The following C1QTNF8 variants were observed in gnomAD, a reference collection of about 807,000 sequenced individuals.
C1QTNF8 encodes the protein C1q and TNF related 8.
C1QTNF8 carries 27 observed loss-of-function variants against 19.2 expected under a neutral mutation model. The observed-to-expected ratio is 1.41, with a 90% CI of 1.04 to 1.94. The LOEUF is 1.94. C1QTNF8 is among the 30% of genes most tolerant of loss of function. The pLI, the probability that C1QTNF8 is intolerant of heterozygous loss-of-function variation, is 0.00. For missense variants in C1QTNF8, 484 were observed against 374.4 expected, an observed-to-expected ratio of 1.29 and a Z score of -2.42; for synonymous variants, 208 against 172.8, an observed-to-expected ratio of 1.20 and a Z score of -1.60.
intron 2 of C1QTNF8, among the ~76,000 whole-genome samples, chr16:1,095,401 C>G (rs1177600972): frequency 6.6e-6 from 1 of 152,300 alleles, no homozygotes; most frequent in South Asian, 2.1e-4. Flanking sequence ...CTCAGCCAGG[C>G]CCAGAGAGCC....
In C1QTNF8 at chr16:1,093,650, C is replaced by T; in HGVS notation, c.610G>A (p.Ala204Thr). 1.2e-6 allele frequency: 2 copies of T among 1,608,094 alleles called. No individual in the cohort carries two copies. The highest frequency in any genetic ancestry group is 1.7e-6 in the Non-Finnish European group (2 of 1,176,910). The part of the protein sequence containing the change: ...AQPSERSVMQ[A>T]QSLMLLLAAG... The stretch of plus-strand genomic sequence containing the variant: ...GCCAGCAGCAGCATCAGGCTCTGGG[C>T]CTGCATGACGCTGCGCTCGCTGGGC... The change falls in exon 4 of 5, where the codon GCC (alanine) becomes ACC (threonine). Residue 204 changes from alanine (A) to threonine (T), a missense_variant. By Grantham distance (58) the Ala-to-Thr change is moderately conservative. Transcript: ENST00000328449.
At chr16:1,091,424 G>A (rs1189261470) in intron 4 of C1QTNF8, among the ~76,000 whole-genome samples, 1 of 152,152 alleles carries the variant, frequency 6.6e-6, no homozygotes, top group African/African-American at 2.4e-5. Flanking sequence ...GGGAAGAGGG[G>A]GAGGGAGGCC....
In C1QTNF8 at chr16:1,093,443, GAC is replaced by G. The variant is rs35563239; in HGVS notation, c.*4+52_*4+53del. On this transcript the variant is annotated intron_variant, in intron 4 of 4. Transcript: ENST00000328449. Reference sequence around the variant, plus strand: ...ACCCACCCCCACACACACACACACAGACACACACACACACGCGCGCGCGCGCC... The same window carrying G: ...ACCCACCCCCACACACACACACACAGACACACACACACGCGCGCGCGCGCC... 5,692 of 931,846 alleles carry G rather than the reference GAC, an allele frequency of 6.1e-3. 227 individuals are homozygous for G. In the African/African-American group the frequency reaches 0.078, roughly 13 times the overall value. 57.7% of individuals were successfully genotyped at this position (931,846 alleles called of 1,614,324 possible).
At chr16:1,093,154 G>A (rs1489028932) in intron 4 of C1QTNF8, among the ~76,000 whole-genome samples, 4 of 146,356 alleles carry the variant, frequency 2.7e-5, no homozygotes, top group Non-Finnish European at 6.0e-5. Flanking sequence ...ACAGCACACA[G>A]TCGGCGCTCA....
chr16:1,093,429 CACACACACACACAG>C (rs1960603011), intron 4 of C1QTNF8, 54 bp downstream of exon 4: 4 of 1,129,044 alleles, frequency 3.5e-6, no homozygotes, highest in Non-Finnish European at 3.5e-6. Context: ...CCCACCCCCA[CACACACACACACAG>C]ACACACACAC....
chr16:1,094,779 C>G lies in C1QTNF8; in HGVS notation c.144G>C (p.Trp48Cys). ...GCAGCCCCCTCCACAGGTCCCCCCT[C>G]CACAGGTCCCTGTCACTCACCCGGG... is the stretch of plus-strand genomic sequence containing the variant. ...PYARVSDRDLWRGDLWRGLPR... is the reference protein window; with the variant it reads ...PYARVSDRDLCRGDLWRGLPR... Residue 48 changes from tryptophan (W) to cysteine (C), a missense_variant, in exon 3 of 5, where the codon TGG (tryptophan) becomes TGC (cysteine). Coordinates refer to ENST00000328449, the MANE Select transcript of C1QTNF8 (RefSeq NM_207419.3). 6.5e-7 allele frequency: 1 copy of G among 1,543,112 alleles called. No homozygotes were observed. Among genetic ancestry groups the G allele is most frequent in the South Asian group, 1.2e-5 (1 of 81,230 alleles).
intron 4 of C1QTNF8, 34 bp downstream of exon 4, chr16:1,093,463 C>T: frequency 1.4e-6 from 2 of 1,451,664 alleles, no homozygotes; most frequent in Non-Finnish European, 1.8e-6. Context: ...CACACGCGCG[C>T]GCGCGCCCGG....
At chr16:1,095,155 G>A (rs547333738) in intron 2 of C1QTNF8, among the ~76,000 whole-genome samples, 99 of 152,342 alleles carry the variant, frequency 6.5e-4, no homozygotes, top group African/African-American at 2.3e-3. Context: ...ACCTGGAGTC[G>A]GGGAGTCCTG....
rs1376245948 is a variant in C1QTNF8, at chr16:1,090,341, T to G, written c.*258A>C. On this transcript the variant is annotated 3_prime_UTR_variant, in exon 5 of 5. Coordinates refer to ENST00000328449, the MANE Select transcript of C1QTNF8 (RefSeq NM_207419.3). ...AGCCCCTCTCCCTGCAGAGGGGCCA[T>G]GTGTGCACAGCAAATGGCGGGCCCC... is the stretch of plus-strand genomic sequence containing the variant. 1 of 152,334 alleles carries G rather than the reference T, an allele frequency of 6.6e-6. No homozygotes were observed. Among genetic ancestry groups the G allele is most frequent in the Non-Finnish European group, 1.5e-5 (1 of 68,168 alleles). The allele number at this position is 152,334 out of a possible 1,614,324, so 9.4% of individuals were successfully genotyped here.
chr16:1,093,297 G>A (rs944043875), intron 4 of C1QTNF8, among the ~76,000 whole-genome samples, 200 bp downstream of exon 4: 6 of 138,254 alleles, frequency 4.3e-5, no homozygotes, highest in African/African-American at 1.5e-4. Flanking sequence ...GCACACAGTC[G>A]GCGCTCAACC....
intron 4 of C1QTNF8, among the ~76,000 whole-genome samples, chr16:1,092,087 C>T (rs1363422240): frequency 6.6e-6 from 1 of 152,240 alleles, no homozygotes; most frequent in Non-Finnish European, 1.5e-5. Context: ...TGAGGAGGCA[C>T]CCAGCTCGCT....
Position 1,094,895 on chromosome 16 carries a change from C to A in C1QTNF8, c.28G>T (p.Ala10Ser), listed in dbSNP as rs1960652788. Reference sequence around the variant, plus strand: ...CAGGCCCCCACGGGCAGCAGCAGTGCTAGGAGCAGCAGGGCGGGGGCTGCC... The same window carrying A: ...CAGGCCCCCACGGGCAGCAGCAGTGATAGGAGCAGCAGGGCGGGGGCTGCC... MAAPALLLL[A>S]LLLPVGAWPG... is the part of the protein sequence containing the mutation. Residue 10 changes from alanine to serine, a missense_variant, in exon 3 of 5, where the codon GCA becomes TCA. By Grantham distance (99) the Ala-to-Ser change is moderately conservative. Coordinates refer to ENST00000328449, the MANE Select transcript of C1QTNF8 (RefSeq NM_207419.3). 1.5e-6 allele frequency: 2 copies of A among 1,367,616 alleles called. No individual in the cohort carries two copies. The highest frequency in any genetic ancestry group is 3.0e-5 in the African/African-American group (2 of 66,376). The allele number at this position is 1,367,616 out of a possible 1,614,324, so 84.7% of individuals were successfully genotyped here.
chr16:1,093,728 TCTC>T lies in C1QTNF8; in HGVS notation c.529_531del (p.Glu177del), dbSNP rs936217594. The T allele has an allele frequency of 1.2e-6, 2 of 1,611,910 alleles. No individual in the cohort carries two copies. The highest frequency in any genetic ancestry group is 1.3e-5 in the African/African-American group (1 of 74,868). ...CGGTTCAGCATGATGTGCAGGTAGGTCTCCTTGTAGTTCCAGGTGTGCACGTTG... is the reference window on the plus strand; with the variant it reads ...CGGTTCAGCATGATGTGCAGGTAGGTCTTGTAGTTCCAGGTGTGCACGTTG... On this transcript the variant is annotated inframe_deletion, in exon 4 of 5. Transcript: ENST00000328449.
chr16:1,092,707 TCGGCGCTCAACCAATCACA>T (rs1276462603), intron 4 of C1QTNF8, among the ~76,000 whole-genome samples: 26 of 85,732 alleles, frequency 3.0e-4, no homozygotes, highest in African/African-American at 4.6e-4. Context: ...CTGCACACAG[TCGGCGCTCAACCAATCACA>T]GCACACAGTC....
At chr16:1,092,551 CAAT>C (rs1960572315) in intron 4 of C1QTNF8, among the ~76,000 whole-genome samples, 1 of 127,070 alleles carries the variant, frequency 7.9e-6, no homozygotes, top group Non-Finnish European at 1.7e-5. Context: ...GGCGCTCAAT[CAAT>C]CCCTGCACAC....
chr16:1,093,784 G>C lies in C1QTNF8; in HGVS notation c.476C>G (p.Thr159Arg), dbSNP rs200671491. 6.2e-7 allele frequency: 1 copy of C among 1,612,026 alleles called. No individual in the cohort carries two copies. The highest frequency in any genetic ancestry group is 1.7e-5 in the Admixed American group (1 of 60,010). The change falls in exon 4 of 5, where the codon ACG becomes AGG. Residue 159 changes from threonine (T) to arginine (R), a missense_variant. By Grantham distance (71) the Thr-to-Arg change is moderately conservative. Coordinates refer to ENST00000328449, the MANE Select transcript of C1QTNF8 (RefSeq NM_207419.3). ...GCTGAGGAAGTAGACGCCGGGCACC[G>C]TGCAGAGGAAGCGGCCCGCGGCCAG... ...FDLAAGRFLCTVPGVYFLSLN... is the reference protein window; with the variant it reads ...FDLAAGRFLCRVPGVYFLSLN...
rs1232330305 is a variant in C1QTNF8, at chr16:1,088,344, C to T, written c.*2255G>A. 6.6e-6 allele frequency among the ~76,000 whole-genome samples: 1 copy of T among 152,248 alleles called. No individual in the cohort carries two copies. The highest frequency in any genetic ancestry group is 1.5e-5 in the Non-Finnish European group (1 of 68,044). ...TCACAGGGATGTCCCCGCGGGAAGCCGCGTTCCCCAGTCCCTTCCTGTGCG... is the reference window on the plus strand; with the variant it reads ...TCACAGGGATGTCCCCGCGGGAAGCTGCGTTCCCCAGTCCCTTCCTGTGCG... On this transcript the variant is annotated 3_prime_UTR_variant, in exon 5 of 5. Transcript: ENST00000328449.
intron 4 of C1QTNF8, among the ~76,000 whole-genome samples, chr16:1,091,561 C>T (rs1003880461): frequency 6.6e-6 from 1 of 152,160 alleles, no homozygotes; most frequent in African/African-American, 2.4e-5. Context: ...GGGCCAGCCT[C>T]TTGCCTGGAG....
At position 1,093,483 on chromosome 16, in the gene C1QTNF8, G is replaced by A. The variant is rs1258523764; in HGVS notation, c.*4+14C>T. 4.8e-6 allele frequency: 7 copies of A among 1,454,612 alleles called. No individual in the cohort carries two copies. In the African/African-American group the frequency reaches 6.0e-5, roughly 12 times the overall value. The allele number at this position is 1,454,612 out of a possible 1,614,324, so 90.1% of individuals were successfully genotyped here. A position where few individuals can be genotyped will look rare whatever the true frequency, so the allele number is the denominator to read the frequency against. On this transcript the variant is annotated intron_variant, in intron 4 of 4. Transcript: ENST00000328449. ...GCGCGCGCGCGCCCGGTGCTCAGCC[G>A]CGGGGCCCCTCACCCGGCTACAGCT...
Sources: gnomAD v4.1 joint callset for allele counts (sites outside exome capture counted in the v4.1 genomes callset) on GRCh38, gnomAD v4.1.1 for gene constraint, MANE v1.5 for transcripts, NCBI Gene and HGNC (gene_info 2026-07-23, HGNC 2026-07-21) for gene names.